PIP4K2B: variants seen among roughly 807,000 people sequenced by gnomAD.
The protein encoded by PIP4K2B is phosphatidylinositol-5-phosphate 4-kinase type 2 beta, also known as phosphatidylinositol 5-phosphate 4-kinase type-2 beta.
A neutral mutation model predicts 42.0 loss-of-function variants in PIP4K2B; 3 were observed. That is an observed-to-expected ratio of 0.07 (90% CI 0.03 to 0.18). The LOEUF (loss-of-function observed/expected upper bound fraction) is 0.18. Among genes scored for constraint, PIP4K2B ranks in the 10% least tolerant of loss-of-function variants. The pLI is 1.00. For missense variants in PIP4K2B, 332 were observed against 562.3 expected, an observed-to-expected ratio of 0.59 and a Z score of 4.14; for synonymous variants, 204 against 210.1, an observed-to-expected ratio of 0.97 and a Z score of 0.25.
chr17:38,797,798 C>T (rs762604649), intron 1 of PIP4K2B, among the ~76,000 whole-genome samples: 1 of 152,082 alleles, frequency 6.6e-6, no homozygotes, highest in Non-Finnish European at 1.5e-5. Context: ...CCCAGTTTCC[C>T]TAGAAATGTT....
chr17:38,777,698 G>T lies in PIP4K2B; in HGVS notation c.796C>A (p.Arg266=). Residue 266 remains arginine, a synonymous_variant, in exon 7 of 10, where the codon CGG becomes AGG. Transcript: ENST00000619039. ...SKKNFLEKLK[R]DVEFLAQLKI... ...AGGTTAGTAAGTACCTCAACGTCCC[G>T]CTTCAGTTTCTCCAGGAAGTTCTTT... 6.2e-7 allele frequency: 1 copy of T among 1,609,668 alleles called. No homozygotes were observed.
In PIP4K2B at chr17:38,774,171, G is replaced by A. The variant is rs899736746; in HGVS notation, c.808-2899C>T. ...TATGCCAGCTGGACTGGGCCTGAGT[G>A]CCCAGACACTTGGTCAAGCATTATT... On this transcript the variant is annotated intron_variant, in intron 7 of 9. Coordinates refer to ENST00000619039, the MANE Select transcript of PIP4K2B (RefSeq NM_003559.5). 3.3e-5 allele frequency among the ~76,000 whole-genome samples: 5 copies of A among 152,330 alleles called. No individual in the cohort carries two copies. The East Asian group carries it at 9.6e-4, about 29-fold the overall frequency.
intron 2 of PIP4K2B, 37 bp downstream of exon 2, chr17:38,786,786 G>T: frequency 2.3e-6 from 3 of 1,321,144 alleles, no homozygotes; most frequent in Non-Finnish European, 3.3e-6. Context: ...GGAAAGGACT[G>T]CCCACAAAAC....
At chr17:38,787,944 C>T (rs918519630) in intron 1 of PIP4K2B, among the ~76,000 whole-genome samples, 18 of 152,146 alleles carry the variant, frequency 1.2e-4, no homozygotes, top group Non-Finnish European at 1.2e-4. Flanking sequence ...CTTTGGGGCA[C>T]CACAGTGCTT....
intron 7 of PIP4K2B, 28 bp from the exon 8 acceptor site, chr17:38,771,300 A>T (rs780420584): frequency 6.2e-7 from 1 of 1,613,608 alleles, no homozygotes; most frequent in East Asian, 2.2e-5. Context: ...GGAAAGATGG[A>T]AGGAAGAAGA....
At chr17:38,775,960 G>A (rs1311947515) in intron 7 of PIP4K2B, 12 of 446,616 alleles carry the variant, frequency 2.7e-5, no homozygotes, top group Non-Finnish European at 5.3e-5. Flanking sequence ...AGTCACAAAA[G>A]GACAACTGCT....
At chr17:38,776,499 G>T (rs1909350992) in intron 7 of PIP4K2B, 2 of 343,814 alleles carry the variant, frequency 5.8e-6, no homozygotes, top group Non-Finnish European at 1.1e-5. Flanking sequence ...TAAGGTGCGT[G>T]CCTATAGTCC....
At chr17:38,778,005 A>G (rs534935052) in intron 6 of PIP4K2B, among the ~76,000 whole-genome samples, 2 of 152,334 alleles carry the variant, frequency 1.3e-5, no homozygotes, top group African/African-American at 4.8e-5. Context: ...AAGATGAGGA[A>G]TGACTAAAGG....
rs1257154035 is a variant in PIP4K2B at position 38,776,701 on chromosome 17, A to AT, written c.807+985dup. ...ATGTATTTTACCACAATTAAAAAAA[A>AT]TTTTTTTTCCCAAGTTTGTTTGTAG... On this transcript the variant is annotated intron_variant, in intron 7 of 9. Coordinates refer to ENST00000619039, the MANE Select transcript of PIP4K2B (RefSeq NM_003559.5). 4.1e-5 allele frequency: 16 copies of AT among 391,942 alleles called. 1 individual carries two copies. The highest frequency in any genetic ancestry group is 2.3e-4 in the South Asian group (12 of 53,140). The allele number at this position is 391,942 out of a possible 1,614,324, so 24.3% of individuals were successfully genotyped here. A position where few individuals can be genotyped will look rare whatever the true frequency, so the allele number is the denominator to read the frequency against.
At chr17:38,783,110 A>G (rs533251215) in intron 3 of PIP4K2B, among the ~76,000 whole-genome samples, 4 of 137,944 alleles carry the variant, frequency 2.9e-5, no homozygotes, top group African/African-American at 1.1e-4. Context: ...CAGGAGAATC[A>G]CTTGAACCTG....
intron 1 of PIP4K2B, among the ~76,000 whole-genome samples, chr17:38,788,288 C>T (rs1910152652): frequency 6.6e-6 from 1 of 151,956 alleles, no homozygotes; most frequent in Non-Finnish European, 1.5e-5. Flanking sequence ...GCAAGCTCCG[C>T]CTCCTGGGTT....
intron 1 of PIP4K2B, among the ~76,000 whole-genome samples, chr17:38,793,056 G>A (rs1910423653): frequency 6.6e-6 from 1 of 151,990 alleles, no homozygotes; most frequent in Non-Finnish European, 1.5e-5. Flanking sequence ...AGCCTCTTGG[G>A]TAGATGGGAT....
intron 4 of PIP4K2B, chr17:38,779,759 G>A: frequency 1.9e-6 from 1 of 516,872 alleles, no homozygotes; most frequent in South Asian, 3.2e-5. Context: ...CTGAGCAGGT[G>A]GCTCAGAGCC....
intron 3 of PIP4K2B, among the ~76,000 whole-genome samples, chr17:38,783,948 A>C (rs1210416476): frequency 6.6e-6 from 1 of 152,198 alleles, no homozygotes; most frequent in Non-Finnish European, 1.5e-5. Flanking sequence ...TCTTCAGCCT[A>C]GACTGGGAAT....
At chr17:38,776,747 C>A in intron 7 of PIP4K2B, 1 of 341,652 alleles carries the variant, frequency 2.9e-6, no homozygotes, top group Non-Finnish European at 5.8e-6. Flanking sequence ...TAACGAGCAG[C>A]CTCTCAATTT....
chr17:38,780,038 G>C (rs1229290798), intron 4 of PIP4K2B: 1 of 180,214 alleles, frequency 5.5e-6, no homozygotes, highest in Non-Finnish European at 1.2e-5. Context: ...GCCCTTCTCA[G>C]GTGCCCCAGA....
In PIP4K2B at chr17:38,780,582, G is replaced by A; in HGVS notation, c.377C>T (p.Pro126Leu). The change falls in exon 4 of 10, where the codon CCC becomes CTC. Residue 126 changes from proline (P) to leucine (L), a missense_variant. Pro to Leu is a moderately conservative substitution (Grantham distance 98, BLOSUM62 -3). Around this residue, in one of 6 missense-constraint regions of PIP4K2B, gnomAD observed 186 missense variants for 288.4 expected, o/e 0.64. Coordinates refer to ENST00000619039, the MANE Select transcript of PIP4K2B (RefSeq NM_003559.5). ...DYQNSVTRSA[P>L]INSDSQGRCG... ...CCGACCCTGGCTGTCACTGTTGATG[G>A]GGGCGCTGCGCGTCACTGAATTCTG... The A allele has an allele frequency of 1.2e-6, 2 of 1,612,476 alleles. No homozygotes were observed. Among genetic ancestry groups the A allele is most frequent in the Non-Finnish European group, 1.7e-6 (2 of 1,178,630 alleles).
Position 38,799,248 on chromosome 17 carries a change from C to A in PIP4K2B, c.159+18G>T. On this transcript the variant is annotated intron_variant, in intron 1 of 9. Transcript: ENST00000619039. The surrounding 1 kb of genome is among the most constrained non-coding windows in gnomAD (Gnocchi z 4.4). ...GCGCGCGGGGCCGCGCTCAGAGGGGCGCGCAGGAGCTGGTTACCGTGTGGT... is the reference window on the plus strand; with the variant it reads ...GCGCGCGGGGCCGCGCTCAGAGGGGAGCGCAGGAGCTGGTTACCGTGTGGT... 1 of 1,574,846 alleles carries A rather than the reference C, an allele frequency of 6.3e-7. No individual in the cohort carries two copies.
chr17:38,771,318 C>G, intron 7 of PIP4K2B, 46 bp from the exon 8 acceptor site: 3 of 1,603,924 alleles, frequency 1.9e-6, no homozygotes, highest in South Asian at 2.2e-5. Flanking sequence ...AGAGGTTACA[C>G]AGGACATCCC....
Sources: gnomAD v4.1 joint callset for allele counts (sites outside exome capture counted in the v4.1 genomes callset) on GRCh38, gnomAD v4.1.1 for gene constraint, gnomAD v4.1.1 regional missense constraint, Gnocchi (gnomAD v3.1) non-coding constraint, MANE v1.5 for transcripts, NCBI Gene and HGNC (gene_info 2026-07-23, HGNC 2026-07-21) for gene names.